The following FAM234A variants were observed in gnomAD, a reference collection of about 807,000 sequenced individuals.
The protein encoded by FAM234A is family with sequence similarity 234 member A, also known as protein FAM234A.
A neutral mutation model predicts 49.1 loss-of-function variants in FAM234A; 42 were observed. The observed-to-expected ratio is 0.86, with a 90% CI of 0.67 to 1.11. FAM234A has a LOEUF of 1.11. FAM234A is among the 50% of genes least tolerant of loss of function. The pLI, the probability that FAM234A is intolerant of heterozygous loss-of-function variation, is 0.00. For synonymous variants in FAM234A, 369 were observed against 316.2 expected (o/e 1.17, Z -1.77); for missense variants, 815 against 745.2 (o/e 1.09, Z -1.09).
chr16:237,242 C>G (rs1695800082), intron 1 of FAM234A, among the ~76,000 whole-genome samples: 3 of 151,982 alleles, frequency 2.0e-5, no homozygotes, highest in Non-Finnish European at 2.9e-5. Context: ...TTCCATTCTG[C>G]TGACTTCTAA....
chr16:269,231 G>C (rs1238536090), downstream of FAM234A: 3 of 1,404,602 alleles, frequency 2.1e-6, no homozygotes, highest in East Asian at 2.5e-5. Flanking sequence ...GCAGGACGTT[G>C]AGCTGCAGGG....
intron 3 of FAM234A, among the ~76,000 whole-genome samples, chr16:258,799 T>G (rs2051341415): frequency 6.6e-6 from 1 of 152,332 alleles, no homozygotes; most frequent in Non-Finnish European, 1.5e-5. Context: ...GTTTTTGTTT[T>G]TTGAGATGGA....
intron 3 of FAM234A, among the ~76,000 whole-genome samples, chr16:256,773 G>T (rs746065702): frequency 1.6e-4 from 22 of 141,886 alleles, no homozygotes; most frequent in African/African-American, 5.8e-4. Context: ...ACAGAGTTTC[G>T]CTCTTGTTTC....
intron 2 of FAM234A, among the ~76,000 whole-genome samples, chr16:251,681 T>G (rs938571653): frequency 2.3e-5 from 3 of 130,942 alleles, no homozygotes; most frequent in Non-Finnish European, 4.8e-5. Context: ...CTAGCCAGGT[T>G]TTTTTTTTTT....
downstream of FAM234A, chr16:268,613 A>C: frequency 1.5e-6 from 1 of 658,448 alleles, no homozygotes; most frequent in Non-Finnish European, 2.6e-6. Flanking sequence ...AGAGTTGTCT[A>C]TAAATCGGGG....
intron 8 of FAM234A, among the ~76,000 whole-genome samples, chr16:263,008 C>T (rs996892185): frequency 2.0e-5 from 3 of 152,016 alleles, no homozygotes; most frequent in Non-Finnish European, 2.9e-5. Context: ...TTAGTAGAGA[C>T]GGGGTTTCTC....
intron 1 of FAM234A, among the ~76,000 whole-genome samples, chr16:241,182 C>G (rs975611752): frequency 3.3e-5 from 5 of 151,976 alleles, no homozygotes; most frequent in Admixed American, 1.3e-4. Context: ...CCTGCTGTAG[C>G]CTCCCGAAGT....
At chr16:264,550 A>C in intron 11 of FAM234A, 64 bp from the exon 12 acceptor site, 1 of 1,086,076 alleles carries the variant, frequency 9.2e-7, no homozygotes, top group Non-Finnish European at 1.4e-6. Flanking sequence ...GGTCACTCTG[A>C]CAGCAGTGTC....
intron 1 of FAM234A, among the ~76,000 whole-genome samples, chr16:242,197 G>T (rs2050641023): frequency 6.6e-6 from 1 of 152,174 alleles, no homozygotes; most frequent in African/African-American, 2.4e-5. Flanking sequence ...CAGTGGCCTA[G>T]AGTGGACAGC....
intron 5 of FAM234A, among the ~76,000 whole-genome samples, chr16:260,968 G>T (rs189507186): frequency 1.4e-4 from 22 of 152,252 alleles, no homozygotes; most frequent in East Asian, 1.4e-3. Flanking sequence ...GGCACCAAGG[G>T]CACGCCTGCA....
At chr16:252,821 C>T (rs548018710) in intron 2 of FAM234A, among the ~76,000 whole-genome samples, 29 of 152,330 alleles carry the variant, frequency 1.9e-4, no homozygotes, top group Middle Eastern at 6.8e-3. Context: ...GACCCTTCCC[C>T]AGAGGGTGCG....
intron 1 of FAM234A, among the ~76,000 whole-genome samples, chr16:241,732 A>G (rs377707488): frequency 2.0e-5 from 3 of 152,126 alleles, no homozygotes; most frequent in East Asian, 3.9e-4. Flanking sequence ...CCTGGCTAAC[A>G]CAGTGAAACC....
At chr16:251,978 G>C (rs527752008) in intron 2 of FAM234A, among the ~76,000 whole-genome samples, 167 of 145,926 alleles carry the variant, frequency 1.1e-3, no homozygotes, top group African/African-American at 4.0e-3. Flanking sequence ...ACTCTAGCCT[G>C]GGCGACAGAA....
intron 1 of FAM234A, among the ~76,000 whole-genome samples, chr16:241,553 C>A (rs1206649624): frequency 6.6e-6 from 1 of 151,760 alleles, no homozygotes; most frequent in East Asian, 1.9e-4. Flanking sequence ...TGCACCACTT[C>A]ATTCCAGCCT....
intron 1 of FAM234A, among the ~76,000 whole-genome samples, chr16:244,141 T>TA (rs2050714786): frequency 6.6e-6 from 1 of 152,032 alleles, no homozygotes; most frequent in Non-Finnish European, 1.5e-5. Context: ...GCTAATTTTT[T>TA]CTATCTTTAG....
chr16:262,635 G>T (rs1017446852), intron 8 of FAM234A, 82 bp downstream of exon 8: 3 of 1,427,422 alleles, frequency 2.1e-6, no homozygotes, highest in Non-Finnish European at 2.8e-6. Flanking sequence ...CGGACAATCT[G>T]TGTGGAGCCC....
rs1252740487 is a variant in FAM234A at position 254,559 on chromosome 16, C to G, written c.146C>G (p.Ala49Gly). The change falls in exon 3 of 13, where the codon GCG becomes GGG. Residue 49 changes from alanine to glycine, a missense_variant. By Grantham distance (60) the Ala-to-Gly change is moderately conservative. Transcript: ENST00000399932. ...PPQSRLSRCR[A>G]AAFFLSLFLC... The stretch of plus-strand genomic sequence containing the variant: ...CAGTCCCGGCTCTCCCGGTGCCGAG[C>G]GGCGGCGTTTTTTCTTTCATTGTTT... 3 of 1,614,032 alleles carry G rather than the reference C, an allele frequency of 1.9e-6. No individual in the cohort carries two copies. The highest frequency in any genetic ancestry group is 2.7e-5 in the African/African-American group (2 of 74,930).
At chr16:264,205 G>C (rs1162692079) in intron 11 of FAM234A, 34 bp downstream of exon 11, 1 of 1,561,338 alleles carries the variant, frequency 6.4e-7, no homozygotes, top group Non-Finnish European at 8.6e-7. Flanking sequence ...GCCATGCTGG[G>C]AGCCGGGGCC....
rs748621025 is a variant in FAM234A, at chr16:263,372, G to A, written c.1082G>A (p.Arg361His). The A allele has an allele frequency of 1.4e-5, 22 of 1,611,478 alleles. No individual in the cohort carries two copies. In the Admixed American group the frequency reaches 2.0e-4, roughly 15 times the overall value. Residue 361 changes from arginine (R) to histidine (H), a missense_variant, in exon 9 of 13, where the codon CGC becomes CAC. Transcript: ENST00000399932. The part of the protein sequence containing the change: ...VLLDGQELTP[R>H]WTPKAAHVLR... The stretch of plus-strand genomic sequence containing the variant: ...CTGGACGGGCAGGAGCTGACGCCTC[G>A]CTGGACACCCAAGGCAGCCCATGTC...
Sources: gnomAD v4.1 joint callset for allele counts (sites outside exome capture counted in the v4.1 genomes callset) on GRCh38, gnomAD v4.1.1 for gene constraint, MANE v1.5 for transcripts, NCBI Gene and HGNC (gene_info 2026-07-23, HGNC 2026-07-21) for gene names.